Variants in LRRC3B observed in about 807,000 individuals in gnomAD.
LRRC3B encodes leucine rich repeat containing 3B.
In LRRC3B, 2 loss-of-function variants were observed where a neutral mutation model predicts 12.8. That is an observed-to-expected ratio of 0.16 (90% CI 0.06 to 0.49). LRRC3B has a LOEUF of 0.49. Ranked by LOEUF, LRRC3B falls within the 20% of genes least tolerant of loss-of-function variation. LRRC3B has a pLI of 0.96. For missense variants in LRRC3B, 189 were observed against 319.4 expected (o/e 0.59, Z 3.11); for synonymous variants, 132 against 122.0 (o/e 1.08, Z -0.54).
chr3:26,654,149 G>A (rs1380104499), intron 1 of LRRC3B, among the ~76,000 whole-genome samples: 3 of 152,164 alleles, frequency 2.0e-5, no homozygotes, highest in Admixed American at 2.0e-4. Context: ...GGGTGTCCTG[G>A]AACAAGACCA....
At chr3:26,687,408 A>C (rs879698162) in intron 1 of LRRC3B, among the ~76,000 whole-genome samples, 10 of 152,210 alleles carry the variant, frequency 6.6e-5, no homozygotes, top group Non-Finnish European at 1.5e-4. Context: ...TGTTCTAAGC[A>C]TTCCTTTCTC....
chr3:26,709,516 C>G, exon 2 of LRRC3B: 1 of 710,530 alleles, frequency 1.4e-6, no homozygotes, highest in South Asian at 1.9e-5. Flanking sequence ...CCTTTAGGTG[C>G]CCAAGCAAGG....
At chr3:26,643,640 G>A (rs1472707711) in intron 1 of LRRC3B, among the ~76,000 whole-genome samples, 1 of 152,192 alleles carries the variant, frequency 6.6e-6, no homozygotes, top group Non-Finnish European at 1.5e-5. Context: ...GCCACAAAGA[G>A]TGATCTTCTG....
exon 2 of LRRC3B, chr3:26,709,873 C>T: frequency 6.2e-7 from 1 of 1,613,736 alleles, no homozygotes; most frequent in Non-Finnish European, 8.5e-7. Flanking sequence ...CTGAAACAGT[C>T]TTACTGTATC....
intron 1 of LRRC3B, among the ~76,000 whole-genome samples, chr3:26,698,482 G>C (rs1023375838): frequency 6.6e-6 from 1 of 152,060 alleles, no homozygotes; most frequent in Admixed American, 6.6e-5. Flanking sequence ...ATCACTCTGA[G>C]GGGATAAGCC....
At chr3:26,705,844 T>C (rs1052747014) in intron 1 of LRRC3B, among the ~76,000 whole-genome samples, 2 of 152,146 alleles carry the variant, frequency 1.3e-5, no homozygotes, top group Non-Finnish European at 2.9e-5. Context: ...TAGCTAGTAA[T>C]ATAAAGCAAT....
chr3:26,674,110 G>T (rs1027809491), intron 1 of LRRC3B, among the ~76,000 whole-genome samples: 20 of 152,194 alleles, frequency 1.3e-4, no homozygotes, highest in Non-Finnish European at 2.1e-4. Flanking sequence ...TTTTATAGGT[G>T]AGGAGAGGTT....
chr3:26,690,285 C>T (rs1251005525), intron 1 of LRRC3B, among the ~76,000 whole-genome samples: 1 of 152,112 alleles, frequency 6.6e-6, no homozygotes, highest in East Asian at 1.9e-4. Context: ...TTTACATTAT[C>T]TTGTTCTGGA....
At chr3:26,691,281 T>C (rs1203436264) in intron 1 of LRRC3B, among the ~76,000 whole-genome samples, 1 of 151,472 alleles carries the variant, frequency 6.6e-6, no homozygotes, top group Non-Finnish European at 1.5e-5. Context: ...TATATGAAGG[T>C]TAGGGATGAT....
At chr3:26,666,627 C>T (rs1038788549) in intron 1 of LRRC3B, among the ~76,000 whole-genome samples, 2 of 152,070 alleles carry the variant, frequency 1.3e-5, no homozygotes, top group African/African-American at 4.8e-5. Context: ...TATATAACCC[C>T]ACCAAGTTTC....
At chr3:26,635,974 A>G (rs1698860160) in intron 1 of LRRC3B, among the ~76,000 whole-genome samples, 1 of 152,212 alleles carries the variant, frequency 6.6e-6, no homozygotes. Flanking sequence ...TAGGATGCGC[A>G]TACACACACA....
Position 26,646,728 on chromosome 3 carries a change from C to A in LRRC3B, c.-161+23491C>A, listed in dbSNP as rs1699159073. On this transcript the variant is annotated intron_variant, in intron 1 of 1. Transcript: ENST00000396641. ...GGTGAAGAGGATCCTGTGGAGGATG[C>A]AAAATATTAATGTTTTTTCTATTTC... Among the ~76,000 whole-genome samples the A allele has an allele frequency of 2.7e-5, 4 of 150,104 alleles. No homozygotes were observed. In the South Asian group the frequency reaches 8.5e-4, roughly 32 times the overall value.
At chr3:26,710,377 C>T (rs1459915991) in exon 2 of LRRC3B, 1 of 1,613,994 alleles carries the variant, frequency 6.2e-7, no homozygotes, top group Admixed American at 1.7e-5. Context: ...CCCGGAGACA[C>T]CTCGAATACT....
chr3:26,645,805 T>A (rs1699131738), intron 1 of LRRC3B, among the ~76,000 whole-genome samples: 1 of 152,150 alleles, frequency 6.6e-6, no homozygotes, highest in Non-Finnish European at 1.5e-5. Flanking sequence ...AGAAAGTGAT[T>A]GAGGATGGGT....
chr3:26,656,243 C>A (rs147921334), intron 1 of LRRC3B, among the ~76,000 whole-genome samples: 1 of 152,106 alleles, frequency 6.6e-6, no homozygotes, highest in African/African-American at 2.4e-5. Context: ...CATATTGCAG[C>A]GAAGATCGTC....
At chr3:26,652,409 A>G (rs1303959353) in intron 1 of LRRC3B, among the ~76,000 whole-genome samples, 1 of 152,190 alleles carries the variant, frequency 6.6e-6, no homozygotes, top group African/African-American at 2.4e-5. Context: ...GTCACTGCAC[A>G]GCTGTGAAGT....
At chr3:26,709,326 C>T (rs972883498) in intron 1 of LRRC3B, among the ~76,000 whole-genome samples, 187 bp from the exon 2 acceptor site, 2 of 152,140 alleles carry the variant, frequency 1.3e-5, no homozygotes. Flanking sequence ...ACAGTTCTCT[C>T]CCCCAGCACC....
At chr3:26,627,259 C>A (rs1411318571) in intron 1 of LRRC3B, among the ~76,000 whole-genome samples, 2 of 152,086 alleles carry the variant, frequency 1.3e-5, no homozygotes, top group East Asian at 3.9e-4. Flanking sequence ...GGATGTCCTC[C>A]CCTTGGAGAC....
In LRRC3B at chr3:26,704,138, AT is replaced by A. The variant is rs1700525358; in HGVS notation, c.-160-5374del. 2.6e-5 allele frequency among the ~76,000 whole-genome samples: 4 copies of A among 152,244 alleles called. No individual in the cohort carries two copies. The South Asian group carries it at 8.3e-4, about 32-fold the overall frequency. ...GGAAGTGATCTATGCATATGTAAAC[AT>A]ATTAATTGCATATTTATATTTGCAT... On this transcript the variant is annotated intron_variant, in intron 1 of 1. Coordinates refer to ENST00000396641, the Ensembl canonical transcript of LRRC3B.
Sources: gnomAD v4.1 joint callset for allele counts (sites outside exome capture counted in the v4.1 genomes callset) on GRCh38, gnomAD v4.1.1 for gene constraint, MANE v1.5 for transcripts, NCBI Gene and HGNC (gene_info 2026-07-23, HGNC 2026-07-21) for gene names.